The following RABGAP1L variants were observed in gnomAD, a reference collection of about 807,000 sequenced individuals.
RABGAP1L encodes the protein rab GTPase-activating protein 1-like.
In RABGAP1L, 63 loss-of-function variants were observed where a neutral mutation model predicts 137.7. The observed-to-expected ratio is 0.46, with a 90% CI of 0.37 to 0.56. The LOEUF (loss-of-function observed/expected upper bound fraction) is 0.56, where lower values mean the gene tolerates loss of function less well. Ranked by LOEUF, RABGAP1L falls within the 20% of genes least tolerant of loss-of-function variation. The pLI is 0.00. For missense variants in RABGAP1L, 1,095 were observed against 1,244.0 expected (o/e 0.88, Z 1.80); for synonymous variants, 431 against 433.7 (o/e 0.99, Z 0.08).
intron 8 of RABGAP1L, among the ~76,000 whole-genome samples, chr1:174,272,682 T>C (rs1238489607): frequency 6.6e-6 from 1 of 152,044 alleles, no homozygotes; most frequent in Non-Finnish European, 1.5e-5. Context: ...AACAGTCATA[T>C]GCAACAAATA....
intron 10 of RABGAP1L, among the ~76,000 whole-genome samples, chr1:174,279,688 G>A (rs1000772661): frequency 2.0e-5 from 3 of 152,064 alleles, no homozygotes; most frequent in Non-Finnish European, 4.4e-5. Context: ...ATTTGACTCA[G>A]TTTTTATTAC....
At chr1:174,928,849 C>T (rs1291077191) in intron 19 of RABGAP1L, among the ~76,000 whole-genome samples, 1 of 152,148 alleles carries the variant, frequency 6.6e-6, no homozygotes, top group Non-Finnish European at 1.5e-5. Context: ...TGTCTCTACC[C>T]TGGAGTATCT....
At chr1:174,306,059 C>T (rs2148774860) in intron 11 of RABGAP1L, among the ~76,000 whole-genome samples, 1 of 152,270 alleles carries the variant, frequency 6.6e-6, no homozygotes, top group South Asian at 2.1e-4. Context: ...ATGATGGTTT[C>T]CAGCTTCATC....
At chr1:174,619,336 G>A (rs930385840) in intron 13 of RABGAP1L, among the ~76,000 whole-genome samples, 1 of 152,132 alleles carries the variant, frequency 6.6e-6, no homozygotes, top group Non-Finnish European at 1.5e-5. Flanking sequence ...ACACATAATT[G>A]TCAGATTCAC....
chr1:174,747,978 T>C (rs563943478), intron 17 of RABGAP1L, among the ~76,000 whole-genome samples: 11 of 152,122 alleles, frequency 7.2e-5, no homozygotes, highest in Non-Finnish European at 1.5e-4. Context: ...GCACATACTT[T>C]ATCTTGTAGT....
At position 174,219,295 on chromosome 1, in the gene RABGAP1L, G is replaced by A. The variant is rs773190439; in HGVS notation, c.138G>A (p.Lys46=). 2.6e-6 allele frequency: 4 copies of A among 1,541,106 alleles called. No individual in the cohort carries two copies. Among genetic ancestry groups the A allele is most frequent in the Non-Finnish European group, 3.5e-6 (4 of 1,141,986 alleles). ...AACATGAAGAAAAACCTCAACTGAA[G>A]GTATTTTTTTCTTTTCTACATATGG... ...STKHEEKPQL[K]IVSNGDEQLE... The change falls in exon 2 of 26, where the codon AAG becomes AAA. Residue 46 remains lysine, a splice_region_variant and synonymous_variant. Transcript: ENST00000681986.
chr1:174,694,065 T>C (rs977261446), intron 15 of RABGAP1L, among the ~76,000 whole-genome samples: 6 of 152,198 alleles, frequency 3.9e-5, no homozygotes, highest in African/African-American at 1.4e-4. Context: ...GCATTTACAT[T>C]GTATTAAGTA....
intron 19 of RABGAP1L, among the ~76,000 whole-genome samples, chr1:174,902,486 A>G (rs759474140): frequency 6.6e-6 from 1 of 152,172 alleles, no homozygotes; most frequent in Non-Finnish European, 1.5e-5. Flanking sequence ...TCCTAGGGAT[A>G]TATACAGATG....
intron 17 of RABGAP1L, among the ~76,000 whole-genome samples, chr1:174,711,124 C>A (rs1051267324): frequency 1.3e-5 from 2 of 151,782 alleles, no homozygotes; most frequent in Non-Finnish European, 2.9e-5. Context: ...GCCAGCTGGC[C>A]GCTGTGAGTG....
chr1:174,350,106 T>A (rs1319302446), intron 11 of RABGAP1L, among the ~76,000 whole-genome samples: 4 of 127,436 alleles, frequency 3.1e-5, no homozygotes, highest in East Asian at 2.7e-4. Flanking sequence ...CCCACCTCCC[T>A]CCCGGACGGC....
chr1:174,902,382 C>G (rs977672515), intron 19 of RABGAP1L, among the ~76,000 whole-genome samples: 4 of 152,212 alleles, frequency 2.6e-5, no homozygotes, highest in Non-Finnish European at 4.4e-5. Context: ...CATTGGCTGG[C>G]TGGGATTCCA....
rs1679625290 is a variant in RABGAP1L, at chr1:174,701,260, C to T, written c.2026-853C>T. On this transcript the variant is annotated intron_variant, in intron 16 of 25. Coordinates refer to ENST00000681986, the MANE Select transcript of RABGAP1L (RefSeq NM_001366446.1). ...CATAAAGGCATTTTTAGAAGATATC[C>T]AATTTTATATATTATACCTTTGCAT... 7.2e-5 allele frequency: 88 copies of T among 1,227,110 alleles called. No individual in the cohort carries two copies. In the South Asian group the frequency reaches 1.0e-3, roughly 14 times the overall value. The allele number at this position is 1,227,110 out of a possible 1,614,324, so 76.0% of individuals were successfully genotyped here. A position where few individuals can be genotyped will look rare whatever the true frequency, so the allele number is the denominator to read the frequency against.
chr1:174,549,997 T>G (rs1056615163), intron 13 of RABGAP1L, among the ~76,000 whole-genome samples: 1 of 152,082 alleles, frequency 6.6e-6, no homozygotes, highest in Non-Finnish European at 1.5e-5. Context: ...ATACTGTAAA[T>G]AGCTACTACA....
chr1:174,511,944 T>C (rs1452056731), intron 13 of RABGAP1L, among the ~76,000 whole-genome samples: 3 of 152,220 alleles, frequency 2.0e-5, no homozygotes, highest in Non-Finnish European at 2.9e-5. Context: ...GCATGTAATT[T>C]TCTTACATAT....
chr1:174,211,132 A>G (rs1054213645), intron 1 of RABGAP1L, among the ~76,000 whole-genome samples: 10 of 152,248 alleles, frequency 6.6e-5, no homozygotes, highest in African/African-American at 2.4e-4. Flanking sequence ...ATGAGCATTA[A>G]GAAATTATCT....
intron 25 of RABGAP1L, 68 bp from the exon 26 acceptor site, chr1:174,989,781 A>G: frequency 6.7e-7 from 1 of 1,493,414 alleles, no homozygotes; most frequent in South Asian, 1.3e-5. Context: ...AAAGCTGCAC[A>G]CTTTTATTTA....
At chr1:174,324,350 A>G (rs1224458710) in intron 11 of RABGAP1L, among the ~76,000 whole-genome samples, 3 of 152,148 alleles carry the variant, frequency 2.0e-5, no homozygotes, top group Non-Finnish European at 2.9e-5. Flanking sequence ...GAAAGACTCA[A>G]AGGTTATAAT....
intron 18 of RABGAP1L, among the ~76,000 whole-genome samples, chr1:174,801,068 G>C (rs185288225): frequency 6.6e-6 from 1 of 152,302 alleles, no homozygotes; most frequent in African/African-American, 2.4e-5. Context: ...CTTCTGTGCT[G>C]TGAATCTGGG....
At chr1:174,454,658 T>A (rs747796222) in intron 13 of RABGAP1L, among the ~76,000 whole-genome samples, 6 of 151,182 alleles carry the variant, frequency 4.0e-5, no homozygotes, top group Non-Finnish European at 8.8e-5. Flanking sequence ...CACGCCATTC[T>A]CCTGTCTCAG....
Sources: gnomAD v4.1 joint callset for allele counts (sites outside exome capture counted in the v4.1 genomes callset) on GRCh38, gnomAD v4.1.1 for gene constraint, MANE v1.5 for transcripts, NCBI Gene and HGNC (gene_info 2026-07-23, HGNC 2026-07-21) for gene names.